CAMTA1: variants seen among roughly 807,000 people sequenced by gnomAD.
The protein encoded by CAMTA1 is calmodulin-binding transcription activator 1.
In CAMTA1, 27 loss-of-function variants were observed where a neutral mutation model predicts 170.9. That is an observed-to-expected ratio of 0.16 (90% CI 0.12 to 0.22). The LOEUF (loss-of-function observed/expected upper bound fraction) is 0.22. Ranked by LOEUF, CAMTA1 falls within the 10% of genes least tolerant of loss-of-function variation. The pLI, the probability that CAMTA1 is intolerant of heterozygous loss-of-function variation, is 1.00. For missense variants in CAMTA1, 1,619 were observed against 2,217.2 expected, an observed-to-expected ratio of 0.73 and a Z score of 5.42; for synonymous variants, 833 against 891.5, an observed-to-expected ratio of 0.93 and a Z score of 1.17.
chr1:7,128,161 C>T (rs576068851), intron 4 of CAMTA1, among the ~76,000 whole-genome samples: 8 of 152,284 alleles, frequency 5.3e-5, no homozygotes, highest in Non-Finnish European at 8.8e-5. Context: ...CAAGTGCGTC[C>T]GGTGTGACTC....
In CAMTA1 at chr1:6,835,055, C is replaced by T. The variant is rs77366341; in HGVS notation, c.234+9845C>T. On this transcript the variant is annotated intron_variant, in intron 3 of 22. Coordinates refer to ENST00000303635, the MANE Select transcript of CAMTA1 (RefSeq NM_015215.4). The stretch of plus-strand genomic sequence containing the variant: ...CTGGACTGAGTGGAGTCAGCATGCT[C>T]AGGGGTTGGCAGCATCTGTTCAGGG... Among the ~76,000 whole-genome samples the T allele has an allele frequency of 4.6e-5, 7 of 152,298 alleles. No individual in the cohort carries two copies. In the East Asian group the frequency reaches 7.7e-4, roughly 17 times the overall value.
intron 3 of CAMTA1, among the ~76,000 whole-genome samples, chr1:6,849,443 A>G (rs1475693260): frequency 6.6e-6 from 1 of 152,018 alleles, no homozygotes; most frequent in African/African-American, 2.4e-5. Context: ...ATGAGAGAGG[A>G]TGAAATGAGA....
chr1:7,324,621 A>G (rs1219324883), intron 5 of CAMTA1, among the ~76,000 whole-genome samples: 1 of 152,078 alleles, frequency 6.6e-6, no homozygotes, highest in Non-Finnish European at 1.5e-5. Flanking sequence ...CATCCTGGCC[A>G]ACATGGTGAA....
intron 4 of CAMTA1, among the ~76,000 whole-genome samples, chr1:7,203,835 CTT>C (rs755506381): frequency 4.3e-5 from 6 of 139,896 alleles, no homozygotes; most frequent in Non-Finnish European, 7.8e-5. Flanking sequence ...ACTTTTCTTT[CTT>C]TTTTTTTTTT....
intron 4 of CAMTA1, among the ~76,000 whole-genome samples, chr1:7,232,445 T>TC (rs1402430177): frequency 2.6e-5 from 4 of 152,262 alleles, no homozygotes; most frequent in African/African-American, 9.6e-5. Context: ...TTTAAACAGT[T>TC]CCTAGACAAA....
intron 1 of CAMTA1, among the ~76,000 whole-genome samples, chr1:6,801,766 C>A (rs902551572): frequency 6.6e-6 from 1 of 151,326 alleles, no homozygotes. Flanking sequence ...ATTTTCATGA[C>A]CCCAAGGTGG....
Position 7,766,606 on chromosome 1 carries a change from C to A in CAMTA1, c.*115C>A. The A allele has an allele frequency of 1.2e-6, 1 of 840,976 alleles. No individual in the cohort carries two copies. Among genetic ancestry groups the A allele is most frequent in the Non-Finnish European group, 2.0e-6 (1 of 503,708 alleles). 52.1% of individuals were successfully genotyped at this position (840,976 alleles called of 1,614,324 possible). A position where few individuals can be genotyped will look rare whatever the true frequency, so the allele number is the denominator to read the frequency against. On this transcript the variant is annotated 3_prime_UTR_variant, in exon 23 of 23. Transcript: ENST00000303635. ...ACACGCACACACGCACACACACACA[C>A]GTACACACACATACAAAATCCCTCT...
intron 3 of CAMTA1, among the ~76,000 whole-genome samples, chr1:6,922,830 C>T (rs1258218410): frequency 1.3e-5 from 2 of 151,702 alleles, no homozygotes; most frequent in Non-Finnish European, 2.9e-5. Flanking sequence ...TCCAAAGCGC[C>T]CTAGGGAGGG....
At chr1:7,087,250 G>T (rs964830007) in intron 3 of CAMTA1, among the ~76,000 whole-genome samples, 1 of 152,166 alleles carries the variant, frequency 6.6e-6, no homozygotes, top group African/African-American at 2.4e-5. Context: ...AGCATCTCCC[G>T]CTCTGTGTGT....
At chr1:7,481,478 A>G (rs1226206146) in intron 6 of CAMTA1, among the ~76,000 whole-genome samples, 1 of 152,038 alleles carries the variant, frequency 6.6e-6, no homozygotes, top group Non-Finnish European at 1.5e-5. Context: ...TCTCCTTTCA[A>G]CTTTCAACTC....
intron 5 of CAMTA1, among the ~76,000 whole-genome samples, chr1:7,462,391 G>C (rs1420691403): frequency 6.6e-6 from 1 of 152,142 alleles, no homozygotes; most frequent in Non-Finnish European, 1.5e-5. Context: ...TCAGCCTCCT[G>C]CGTAGCTGAG....
At chr1:7,507,451 T>A (rs1725242) in intron 6 of CAMTA1, among the ~76,000 whole-genome samples, 125,921 of 152,100 alleles carry the variant, frequency 0.83, 52,426 homozygotes, top group Middle Eastern at 0.93. Flanking sequence ...CCCAAGCAGC[T>A]CTTGGCCTCA....
chr1:7,733,384 G>A (rs2096748373), intron 12 of CAMTA1, among the ~76,000 whole-genome samples: 1 of 152,148 alleles, frequency 6.6e-6, no homozygotes, highest in Admixed American at 6.5e-5. Context: ...TATGAAAAGA[G>A]CCCAGAGAAA....
chr1:6,891,697 A>T (rs1043943766), intron 3 of CAMTA1, among the ~76,000 whole-genome samples: 1 of 152,226 alleles, frequency 6.6e-6, no homozygotes, highest in African/African-American at 2.4e-5. Context: ...TTTTATCTTC[A>T]GAAATAAGGA....
At chr1:7,728,287 G>T (rs1399109946) in intron 11 of CAMTA1, among the ~76,000 whole-genome samples, 1 of 152,238 alleles carries the variant, frequency 6.6e-6, no homozygotes, top group Non-Finnish European at 1.5e-5. Context: ...CGTGCTTGGC[G>T]GGGGGATGGG....
intron 6 of CAMTA1, among the ~76,000 whole-genome samples, chr1:7,590,569 G>T (rs187910504): frequency 6.6e-6 from 1 of 152,222 alleles, no homozygotes. Context: ...ACAGCTGGAG[G>T]TGCCCCCACC....
chr1:7,425,830 G>A (rs1210157297), intron 5 of CAMTA1, among the ~76,000 whole-genome samples: 1 of 152,096 alleles, frequency 6.6e-6, no homozygotes, highest in Non-Finnish European at 1.5e-5. Flanking sequence ...TTCACTTTGG[G>A]CCCTGGTCTC....
rs1004987928 is a variant in CAMTA1, at chr1:7,067,519, C to G, written c.235-23785C>G. 6.6e-6 allele frequency among the ~76,000 whole-genome samples: 1 copy of G among 152,188 alleles called. No individual in the cohort carries two copies. Among genetic ancestry groups the G allele is most frequent in the Non-Finnish European group, 1.5e-5 (1 of 68,036 alleles). ...TCTTGGTTTAATTCCAGGATTCATT[C>G]ATTCAACAAATATTTGAGTATCTGC... On this transcript the variant is annotated intron_variant, in intron 3 of 22. Transcript: ENST00000303635. The surrounding 1 kb of genome is among the most constrained non-coding windows in gnomAD (Gnocchi z 4.3).
chr1:6,788,921 G>A (rs1310903040), intron 1 of CAMTA1, among the ~76,000 whole-genome samples: 1 of 152,172 alleles, frequency 6.6e-6, no homozygotes, highest in South Asian at 2.1e-4. Context: ...ATGCTCTGTT[G>A]CAGTTGGGCA....
Sources: allele counts gnomAD v4.1 joint callset (sites outside exome capture counted in the v4.1 genomes callset), GRCh38; gene constraint gnomAD v4.1.1; non-coding constraint Gnocchi (gnomAD v3.1); transcripts MANE v1.5; gene names NCBI Gene and HGNC (gene_info 2026-07-23, HGNC 2026-07-21).